Variants in CDH11 observed in about 807,000 individuals in gnomAD.
CDH11 encodes the protein cadherin 11, also known as cadherin-11.
Under a neutral mutation model 67.8 loss-of-function variants are expected in CDH11, and 11 were observed. The observed-to-expected ratio is 0.16, with a 90% CI of 0.10 to 0.27. CDH11 has a LOEUF of 0.27. CDH11 is among the 10% of genes least tolerant of loss of function. CDH11 has a pLI of 1.00. For missense variants in CDH11, 847 were observed against 1,031.2 expected (o/e 0.82, Z 2.45); for synonymous variants, 419 against 400.0 (o/e 1.05, Z -0.57).
intron 11 of CDH11, among the ~76,000 whole-genome samples, chr16:64,958,137 G>A (rs992599123): frequency 2.6e-5 from 4 of 152,194 alleles, no homozygotes; most frequent in African/African-American, 4.8e-5. Flanking sequence ...GAGGGAAGGG[G>A]CCTTGTCTTA....
chr16:65,092,967 C>T (rs1220271638), intron 1 of CDH11, among the ~76,000 whole-genome samples: 2 of 143,488 alleles, frequency 1.4e-5, no homozygotes, highest in Non-Finnish European at 3.0e-5. Flanking sequence ...GATGGACTCT[C>T]ACTCTGTTGT....
At chr16:64,978,163 C>T (rs371063065) in intron 8 of CDH11, among the ~76,000 whole-genome samples, 4 of 152,196 alleles carry the variant, frequency 2.6e-5, no homozygotes, top group Admixed American at 2.0e-4. Context: ...ACTTCTATCA[C>T]GCCTCCTGTT....
intron 2 of CDH11, among the ~76,000 whole-genome samples, chr16:65,022,007 A>T (rs1396345015): frequency 1.3e-5 from 2 of 152,086 alleles, no homozygotes; most frequent in Non-Finnish European, 2.9e-5. Context: ...CTAAGACAAA[A>T]ATTGAATGCA....
chr16:65,005,480 T>C (rs1048664828), intron 2 of CDH11, among the ~76,000 whole-genome samples: 3 of 150,978 alleles, frequency 2.0e-5, no homozygotes, highest in African/African-American at 4.9e-5. Flanking sequence ...GAAAGGAGAG[T>C]GTGGGATTCC....
At chr16:65,100,247 T>C (rs1341340161) in intron 1 of CDH11, among the ~76,000 whole-genome samples, 1 of 152,038 alleles carries the variant, frequency 6.6e-6, no homozygotes, top group African/African-American at 2.4e-5. Context: ...GGGATGCAGC[T>C]TGAGGATTAG....
At chr16:65,087,697 G>T (rs138005201) in intron 1 of CDH11, among the ~76,000 whole-genome samples, 107 of 152,236 alleles carry the variant, frequency 7.0e-4, no homozygotes, top group Non-Finnish European at 1.2e-3. Context: ...AAATGTTAAT[G>T]AATTTTATCA....
chr16:64,971,139 C>G (rs3826240), intron 11 of CDH11, among the ~76,000 whole-genome samples: 41,470 of 152,142 alleles, frequency 0.27, 6,751 homozygotes, highest in South Asian at 0.5. Context: ...GCTCTGTACC[C>G]AGCCACACTG....
intron 1 of CDH11, among the ~76,000 whole-genome samples, chr16:65,074,627 C>T (rs1282063433): frequency 6.6e-6 from 1 of 152,046 alleles, no homozygotes; most frequent in Admixed American, 6.6e-5. Flanking sequence ...GTGTAATTTT[C>T]CCTATTTCCA....
intron 1 of CDH11, among the ~76,000 whole-genome samples, chr16:65,057,018 A>G (rs73581614): frequency 0.13 from 19,211 of 152,200 alleles, 1,796 homozygotes; most frequent in East Asian, 0.39. Flanking sequence ...TGTGAAAAAA[A>G]CTGGTATACA....
intron 1 of CDH11, among the ~76,000 whole-genome samples, chr16:65,079,748 C>T (rs754461): frequency 0.017 from 2,531 of 152,262 alleles, 36 homozygotes; most frequent in Non-Finnish European, 0.022. Context: ...TTCTGTCATT[C>T]GCATAACCTA....
chr16:65,106,349 T>C (rs549252134), intron 1 of CDH11, among the ~76,000 whole-genome samples: 3 of 152,044 alleles, frequency 2.0e-5, no homozygotes, highest in Admixed American at 6.5e-5. Flanking sequence ...AATATAAGAG[T>C]TGATCAATAC....
intron 1 of CDH11, among the ~76,000 whole-genome samples, chr16:65,113,042 C>T (rs2075186213): frequency 1.3e-5 from 2 of 152,168 alleles, no homozygotes; most frequent in Admixed American, 6.5e-5. Context: ...AATCCCAGCA[C>T]TTTGGGAAGC....
rs148165275 is a variant in CDH11, at chr16:64,978,821, G to C, written c.1253+3227C>G. Among the ~76,000 whole-genome samples, 340 of 151,828 alleles carry C rather than the reference G, an allele frequency of 2.2e-3. 3 individuals carry two copies. The highest frequency in any genetic ancestry group is 7.5e-3 in the African/African-American group (312 of 41,404). On this transcript the variant is annotated intron_variant, in intron 8 of 12. Transcript: ENST00000268603. ...AAAAATCTAAATGTGAAAGCTAAAAGCATAAAGTTTATTTTTAAAAAATGT... is the reference window on the plus strand; with the variant it reads ...AAAAATCTAAATGTGAAAGCTAAAACCATAAAGTTTATTTTTAAAAAATGT...
chr16:65,054,072 C>T (rs999130404), intron 1 of CDH11, 144 bp from the exon 2 acceptor site: 1 of 353,644 alleles, frequency 2.8e-6, no homozygotes, highest in African/African-American at 2.1e-5. Flanking sequence ...AAACAAATTA[C>T]TAAAATTACG....
At chr16:65,063,334 A>T (rs1182965006) in intron 1 of CDH11, among the ~76,000 whole-genome samples, 8 of 152,172 alleles carry the variant, frequency 5.3e-5, no homozygotes, top group African/African-American at 1.9e-4. Context: ...ACTGAAAATA[A>T]AGAGAAAAAA....
intron 1 of CDH11, among the ~76,000 whole-genome samples, chr16:65,118,522 G>A (rs771390944): frequency 1.3e-5 from 2 of 152,002 alleles, no homozygotes; most frequent in African/African-American, 2.4e-5. Context: ...AATTAAAAAG[G>A]CTGAAAACTC....
At chr16:64,972,099 C>T (rs1411703262) in intron 9 of CDH11, 35 bp from the exon 10 acceptor site, 1 of 1,607,448 alleles carries the variant, frequency 6.2e-7, no homozygotes. Flanking sequence ...CAAGAAAGGT[C>T]AAGGAGAAAT....
intron 1 of CDH11, among the ~76,000 whole-genome samples, chr16:65,120,877 G>A (rs763199361): frequency 2.0e-5 from 3 of 152,176 alleles, no homozygotes; most frequent in Admixed American, 6.5e-5. Context: ...TTCACAGCGT[G>A]AGGCGGGCCC....
intron 1 of CDH11, among the ~76,000 whole-genome samples, chr16:65,064,396 T>A (rs1455857909): frequency 6.6e-6 from 1 of 152,220 alleles, no homozygotes; most frequent in East Asian, 1.9e-4. Flanking sequence ...CTATTGTTTC[T>A]GACACAAATT....
Sources: gnomAD v4.1 joint callset for allele counts (sites outside exome capture counted in the v4.1 genomes callset) on GRCh38, gnomAD v4.1.1 for gene constraint, MANE v1.5 for transcripts, NCBI Gene and HGNC (gene_info 2026-07-23, HGNC 2026-07-21) for gene names.